MAGI1: variants seen among roughly 807,000 people sequenced by gnomAD.
MAGI1 encodes membrane-associated guanylate kinase, WW and PDZ domain-containing protein 1.
Under a neutral mutation model 139.9 loss-of-function variants are expected in MAGI1, and 58 were observed. The ratio of observed to expected loss-of-function variants is 0.41; its 90% confidence interval spans 0.34 to 0.52. The LOEUF is 0.52. Among genes scored for constraint, MAGI1 ranks in the 20% least tolerant of loss-of-function variants. The pLI, the probability that MAGI1 is intolerant of heterozygous loss-of-function variation, is 0.12. For synonymous variants in MAGI1, 812 were observed against 737.9 expected, an observed-to-expected ratio of 1.10 and a Z score of -1.63; for missense variants, 1,874 against 1,901.6, an observed-to-expected ratio of 0.99 and a Z score of 0.27.
intron 1 of MAGI1, among the ~76,000 whole-genome samples, chr3:65,773,872 A>T (rs1206157013): frequency 1.3e-5 from 2 of 152,132 alleles, no homozygotes; most frequent in African/African-American, 4.8e-5. Flanking sequence ...TTTATATCTC[A>T]TTGTGTTTTC....
intron 1 of MAGI1, among the ~76,000 whole-genome samples, chr3:65,825,421 G>C (rs2042169175): frequency 6.6e-6 from 1 of 152,162 alleles, no homozygotes; most frequent in Admixed American, 6.5e-5. Context: ...TTCGCATTCA[G>C]TGACTTCATA....
At chr3:65,865,828 C>A (rs1331737409) in intron 1 of MAGI1, among the ~76,000 whole-genome samples, 1 of 152,090 alleles carries the variant, frequency 6.6e-6, no homozygotes, top group East Asian at 1.9e-4. Flanking sequence ...TTAGTAGAGA[C>A]ACGGTTTCAC....
intron 2 of MAGI1, among the ~76,000 whole-genome samples, chr3:65,596,277 T>C (rs928226990): frequency 3.9e-5 from 6 of 152,182 alleles, no homozygotes; most frequent in Non-Finnish European, 8.8e-5. Flanking sequence ...ATGTTTTCAA[T>C]ATAAAAGTCA....
At chr3:65,627,029 C>T (rs1697581567) in intron 1 of MAGI1, among the ~76,000 whole-genome samples, 1 of 152,214 alleles carries the variant, frequency 6.6e-6, no homozygotes, top group Non-Finnish European at 1.5e-5. Flanking sequence ...GTCAGAAACA[C>T]AGTCATACAC....
intron 5 of MAGI1, among the ~76,000 whole-genome samples, chr3:65,462,201 T>C (rs1234269469): frequency 3.3e-5 from 5 of 152,206 alleles, no homozygotes; most frequent in Non-Finnish European, 7.3e-5. Flanking sequence ...CCCATGCCTA[T>C]GTCCGGAAAG....
At chr3:65,560,904 T>G (rs1175972651) in intron 2 of MAGI1, among the ~76,000 whole-genome samples, 4 of 152,216 alleles carry the variant, frequency 2.6e-5, no homozygotes, top group African/African-American at 9.7e-5. Context: ...GATTCATAAA[T>G]TTTTGCATCA....
Position 65,430,035 on chromosome 3 carries a change from T to C in MAGI1, c.1652A>G (p.Glu551Gly), listed in dbSNP as rs541538402. 6.2e-7 allele frequency: 1 copy of C among 1,613,914 alleles called. No individual in the cohort carries two copies. The highest frequency in any genetic ancestry group is 8.5e-7 in the Non-Finnish European group (1 of 1,179,920). Residue 551 changes from glutamate (E) to glycine (G), a missense_variant, in exon 12 of 23, where the codon GAA becomes GGA. Coordinates refer to ENST00000402939, the MANE Select transcript of MAGI1 (RefSeq NM_001033057.2). Reference protein sequence around the residue: ...SIPIGASVDLELCRGYPLPFD... With the variant: ...SIPIGASVDLGLCRGYPLPFD... Reference sequence around the variant, plus strand: ...AGGCAATGGATAACCTCGGCAGAGTTCAAGGTCCACGCTGGCACCAATGGG... The same window carrying C: ...AGGCAATGGATAACCTCGGCAGAGTCCAAGGTCCACGCTGGCACCAATGGG...
intron 1 of MAGI1, among the ~76,000 whole-genome samples, chr3:65,911,286 T>C (rs762811978): frequency 1.3e-5 from 2 of 151,908 alleles, no homozygotes; most frequent in African/African-American, 4.8e-5. Flanking sequence ...ACTGGGACAT[T>C]TGAACGTTTG....
chr3:65,849,314 T>C (rs1043177221), intron 1 of MAGI1, among the ~76,000 whole-genome samples: 4 of 151,736 alleles, frequency 2.6e-5, no homozygotes, highest in African/African-American at 4.8e-5. Context: ...CATGAGTCAC[T>C]GCACCTGACC....
At chr3:65,710,403 C>T (rs2031215653) in intron 1 of MAGI1, among the ~76,000 whole-genome samples, 1 of 151,044 alleles carries the variant, frequency 6.6e-6, no homozygotes, top group African/African-American at 2.4e-5. Flanking sequence ...GCCTCAGCCT[C>T]CTGAGTAGCT....
intron 1 of MAGI1, among the ~76,000 whole-genome samples, chr3:65,964,364 C>A (rs1453442719): frequency 6.6e-6 from 1 of 152,144 alleles, no homozygotes; most frequent in Non-Finnish European, 1.5e-5. Flanking sequence ...GAAAGGTCAT[C>A]TGAAATCACC....
intron 1 of MAGI1, among the ~76,000 whole-genome samples, chr3:65,860,553 G>C (rs977463353): frequency 6.6e-6 from 1 of 152,198 alleles, no homozygotes; most frequent in African/African-American, 2.4e-5. Flanking sequence ...CAGGTCCTCG[G>C]AGTGTGCTGC....
chr3:65,468,634 C>A (rs1950338921), intron 5 of MAGI1, among the ~76,000 whole-genome samples: 1 of 151,982 alleles, frequency 6.6e-6, no homozygotes, highest in Admixed American at 6.6e-5. Context: ...GCCTTGGCCT[C>A]CCAAAATGCT....
chr3:65,574,049 A>G (rs973103317), intron 2 of MAGI1, among the ~76,000 whole-genome samples: 7 of 152,070 alleles, frequency 4.6e-5, no homozygotes, highest in African/African-American at 1.4e-4. Context: ...AAAATCTGAT[A>G]AAATCTACAA....
chr3:65,907,130 T>C (rs532181846), intron 1 of MAGI1, among the ~76,000 whole-genome samples: 22 of 152,108 alleles, frequency 1.4e-4, no homozygotes, highest in African/African-American at 5.1e-4. Context: ...AAAATTAACA[T>C]GAATTCTACT....
At chr3:65,718,078 G>A (rs142549620) in intron 1 of MAGI1, among the ~76,000 whole-genome samples, 1 of 152,236 alleles carries the variant, frequency 6.6e-6, no homozygotes, top group Non-Finnish European at 1.5e-5. Context: ...CTACACTCGG[G>A]ACCTTGAATT....
chr3:65,510,832 A>C (rs2077550461), intron 2 of MAGI1, among the ~76,000 whole-genome samples: 1 of 146,398 alleles, frequency 6.8e-6, no homozygotes, highest in Non-Finnish European at 1.5e-5. Flanking sequence ...CGAGAAGAGC[A>C]ACTCCAAGAC....
At chr3:66,012,071 T>G (rs1282793702) in intron 1 of MAGI1, among the ~76,000 whole-genome samples, 2 of 152,114 alleles carry the variant, frequency 1.3e-5, no homozygotes, top group South Asian at 2.1e-4. Context: ...TGCTTTTGCT[T>G]GTTTTAGTTA....
intron 3 of MAGI1, among the ~76,000 whole-genome samples, chr3:65,481,563 T>C (rs1917519): frequency 0.22 from 33,934 of 152,180 alleles, 3,927 homozygotes; most frequent in Middle Eastern, 0.28. Flanking sequence ...ATTTTCAAGT[T>C]AGATGTTAAA....
Sources: gnomAD v4.1 joint callset for allele counts (sites outside exome capture counted in the v4.1 genomes callset) on GRCh38, gnomAD v4.1.1 for gene constraint, MANE v1.5 for transcripts, NCBI Gene and HGNC (gene_info 2026-07-23, HGNC 2026-07-21) for gene names.